Variants in PTPRD observed in about 807,000 individuals in gnomAD.
The protein encoded by PTPRD is receptor-type tyrosine-protein phosphatase delta.
A neutral mutation model predicts 214.5 loss-of-function variants in PTPRD; 34 were observed. The observed-to-expected ratio is 0.16, with a 90% CI of 0.12 to 0.21. The LOEUF (loss-of-function observed/expected upper bound fraction) is 0.21. PTPRD is among the 10% of genes least tolerant of loss of function. The pLI, the probability that PTPRD is intolerant of heterozygous loss-of-function variation, is 1.00. For missense variants in PTPRD, 2,545 were observed against 2,398.7 expected, an observed-to-expected ratio of 1.06 and a Z score of -1.27; for synonymous variants, 1,128 against 845.7, an observed-to-expected ratio of 1.33 and a Z score of -5.79.
At chr9:9,813,055 C>A (rs1352134484) in intron 5 of PTPRD, among the ~76,000 whole-genome samples, 1 of 151,814 alleles carries the variant, frequency 6.6e-6, no homozygotes, top group South Asian at 2.1e-4. Context: ...ACTCTTAATG[C>A]AATCAATGGG....
At chr9:8,365,405 G>A (rs2134079911) in intron 39 of PTPRD, among the ~76,000 whole-genome samples, 1 of 152,290 alleles carries the variant, frequency 6.6e-6, no homozygotes, top group Admixed American at 6.5e-5. Context: ...TAGCAGTTAT[G>A]AAATGCATTT....
chr9:9,142,874 T>C lies in PTPRD; in HGVS notation c.-143+40430A>G, dbSNP rs112077072. On this transcript the variant is annotated intron_variant, in intron 10 of 45. Transcript: ENST00000381196. ...TGGAAGATTAATCTACAGGGCCATA[T>C]TGTTGGGCTTCCTGGTCTTCTGGCT... 5.4e-3 allele frequency among the ~76,000 whole-genome samples: 819 copies of C among 152,248 alleles called. 4 individuals are homozygous for C. Among genetic ancestry groups the C allele is most frequent in the African/African-American group, 0.019 (778 of 41,520 alleles).
At chr9:9,622,617 T>C (rs894247964) in intron 7 of PTPRD, among the ~76,000 whole-genome samples, 1 of 152,194 alleles carries the variant, frequency 6.6e-6, no homozygotes, top group Non-Finnish European at 1.5e-5. Context: ...CCCACCATCA[T>C]GTAAGTTCTG....
chr9:8,382,809 G>C (rs10977020), intron 37 of PTPRD, among the ~76,000 whole-genome samples: 16,939 of 152,222 alleles, frequency 0.11, 1,921 homozygotes, highest in East Asian at 0.5. Flanking sequence ...TCCTAAAGTT[G>C]CTTAAGGAAA....
Position 10,084,420 on chromosome 9 carries a change from A to G in PTPRD, c.-544-50630T>C, listed in dbSNP as rs180953709. Among the ~76,000 whole-genome samples, 47 of 152,102 alleles carry G rather than the reference A, an allele frequency of 3.1e-4. No individual in the cohort carries two copies. In the East Asian group the frequency reaches 9.1e-3, roughly 30 times the overall value. ...AGAAAATATAGGAATCTATACTATG[A>G]ATAAAATGATAGAAGGGAAAAAATA... On this transcript the variant is annotated intron_variant, in intron 3 of 45. Transcript: ENST00000381196.
chr9:9,263,207 G>A (rs1276133389), intron 9 of PTPRD, among the ~76,000 whole-genome samples: 1 of 151,418 alleles, frequency 6.6e-6, no homozygotes, highest in African/African-American at 2.4e-5. Flanking sequence ...ATTATTATTA[G>A]GATTTGACTC....
intron 3 of PTPRD, among the ~76,000 whole-genome samples, chr9:10,067,504 G>A (rs1459661187): frequency 1.3e-5 from 2 of 151,852 alleles, no homozygotes; most frequent in Non-Finnish European, 2.9e-5. Flanking sequence ...AAAGCAGTGA[G>A]ATATCTAACA....
chr9:9,065,026 T>A (rs919626052), intron 10 of PTPRD, among the ~76,000 whole-genome samples: 7 of 152,212 alleles, frequency 4.6e-5, no homozygotes, highest in Admixed American at 3.3e-4. Context: ...GGCTGAAGAA[T>A]TCATCACAAA....
chr9:8,932,595 G>T (rs1224733665), intron 11 of PTPRD, among the ~76,000 whole-genome samples: 1 of 152,170 alleles, frequency 6.6e-6, no homozygotes, highest in Non-Finnish European at 1.5e-5. Flanking sequence ...TGGAGATTCA[G>T]TCTGGCTACA....
chr9:8,643,064 G>C (rs182493441), intron 12 of PTPRD, among the ~76,000 whole-genome samples: 31 of 152,122 alleles, frequency 2.0e-4, no homozygotes, highest in African/African-American at 7.2e-4. Flanking sequence ...TGACATCTGT[G>C]GTCAGGATAG....
At chr9:9,239,466 C>A (rs923431311) in intron 9 of PTPRD, among the ~76,000 whole-genome samples, 2 of 152,038 alleles carry the variant, frequency 1.3e-5, no homozygotes, top group Non-Finnish European at 2.9e-5. Context: ...AAGAGCAGAA[C>A]CAATTACTTG....
intron 14 of PTPRD, among the ~76,000 whole-genome samples, chr9:8,627,351 T>A (rs1468307459): frequency 6.6e-6 from 1 of 151,676 alleles, no homozygotes; most frequent in Admixed American, 6.6e-5. Context: ...CAAGAACAAA[T>A]CATGTCAAAC....
chr9:8,543,911 C>T (rs1054638695), intron 14 of PTPRD, among the ~76,000 whole-genome samples: 2 of 152,024 alleles, frequency 1.3e-5, no homozygotes, highest in South Asian at 4.2e-4. Flanking sequence ...GGGGTTTCAC[C>T]ATATTGGCCA....
intron 5 of PTPRD, among the ~76,000 whole-genome samples, chr9:9,854,909 C>A (rs1278680562): frequency 1.3e-5 from 2 of 152,052 alleles, no homozygotes; most frequent in Non-Finnish European, 2.9e-5. Context: ...ACAACTGGAC[C>A]AACAAATTGA....
chr9:9,059,036 A>T (rs2099702348), intron 10 of PTPRD, among the ~76,000 whole-genome samples: 1 of 152,142 alleles, frequency 6.6e-6, no homozygotes, highest in South Asian at 2.1e-4. Context: ...TCTTATACTT[A>T]GGGAGAAGAG....
rs558499430 is a variant in PTPRD, at chr9:10,362,888, T to A, written c.-599-21871A>T. Among the ~76,000 whole-genome samples the A allele has an allele frequency of 1.9e-4, 29 of 152,056 alleles. 1 individual carries two copies. The highest frequency in any genetic ancestry group is 1.4e-3 in the Admixed American group (22 of 15,264). ...GAGTGAGACTTCATCTCAAAATAAA[T>A]AAAAAAATAAATAAATAACTTTGCC... On this transcript the variant is annotated intron_variant, in intron 2 of 45. Coordinates refer to ENST00000381196, the MANE Select transcript of PTPRD (RefSeq NM_002839.4).
chr9:8,789,377 A>G (rs2096129166), intron 11 of PTPRD, among the ~76,000 whole-genome samples: 1 of 152,214 alleles, frequency 6.6e-6, no homozygotes, highest in South Asian at 2.1e-4. Flanking sequence ...AGTTGGATAC[A>G]TGATATGTAA....
intron 11 of PTPRD, among the ~76,000 whole-genome samples, chr9:8,787,246 C>T (rs530499590): frequency 1.3e-3 from 200 of 152,304 alleles, no homozygotes; most frequent in Non-Finnish European, 2.5e-3. Flanking sequence ...GCAGATTTTT[C>T]TAGCAACACT....
At chr9:9,685,902 A>G (rs1194362791) in intron 7 of PTPRD, among the ~76,000 whole-genome samples, 1 of 151,378 alleles carries the variant, frequency 6.6e-6, no homozygotes, top group Non-Finnish European at 1.5e-5. Flanking sequence ...ACTATAGTTT[A>G]TATTGTCTTA....
Sources: gnomAD v4.1 joint callset for allele counts (sites outside exome capture counted in the v4.1 genomes callset) on GRCh38, gnomAD v4.1.1 for gene constraint, MANE v1.5 for transcripts, NCBI Gene and HGNC (gene_info 2026-07-23, HGNC 2026-07-21) for gene names.